The following PCDHA3 variants were observed in gnomAD, a reference collection of about 807,000 sequenced individuals.
PCDHA3 encodes the protein protocadherin alpha-3.
Under a neutral mutation model 62.2 loss-of-function variants are expected in PCDHA3, and 41 were observed. That is an observed-to-expected ratio of 0.66 (90% CI 0.51 to 0.86). The LOEUF (loss-of-function observed/expected upper bound fraction) is 0.86, where lower values mean the gene tolerates loss of function less well. Among genes scored for constraint, PCDHA3 ranks in the 40% least tolerant of loss-of-function variants. The pLI is 0.00. For missense variants in PCDHA3, 1,304 were observed against 1,241.2 expected (o/e 1.05, Z -0.76); for synonymous variants, 640 against 555.4 (o/e 1.15, Z -2.14).
chr5:140,928,276 GC>G, intron 1 of PCDHA3: 1 of 1,614,172 alleles, frequency 6.2e-7, no homozygotes. Flanking sequence ...TGGCCCTGGG[GC>G]CTCTCTAGGC....
intron 1 of PCDHA3, among the ~76,000 whole-genome samples, chr5:140,914,575 A>G (rs2076765762): frequency 2.0e-5 from 3 of 152,018 alleles, no homozygotes; most frequent in African/African-American, 7.2e-5. Context: ...TTTACATTCA[A>G]TAATTTCATT....
rs1554169498 is a variant in PCDHA3 at position 140,877,227 on chromosome 5, G to A, written c.2394+73636G>A. On this transcript the variant is annotated intron_variant, in intron 1 of 3. Transcript: ENST00000522353. ...TTAGCGAGTTGGTACCGCGGTCGGT[G>A]GGTGCGGGCCACGTGGTGGCGAAAG... The A allele has an allele frequency of 1.9e-6, 3 of 1,613,738 alleles. No homozygotes were observed. The South Asian group carries it at 3.3e-5, about 18-fold the overall frequency.
At chr5:140,985,818 C>T (rs1377098916) in intron 3 of PCDHA3, among the ~76,000 whole-genome samples, 1 of 142,038 alleles carries the variant, frequency 7.0e-6, no homozygotes, top group Non-Finnish European at 1.5e-5. Flanking sequence ...CAGCTCACAA[C>T]AAGCTCTGCC....
chr5:140,861,534 A>G lies in PCDHA3; in HGVS notation c.2394+57943A>G, dbSNP rs1004709017. ...GCTGTGTGGGAGGATCTCGGAGTGCAGCATCCACCTGGAAGTGATCGTGGA... is the reference window on the plus strand; with the variant it reads ...GCTGTGTGGGAGGATCTCGGAGTGCGGCATCCACCTGGAAGTGATCGTGGA... On this transcript the variant is annotated intron_variant, in intron 1 of 3. Coordinates refer to ENST00000522353, the MANE Select transcript of PCDHA3 (RefSeq NM_018906.3). The G allele has an allele frequency of 4.9e-5, 22 of 448,754 alleles. No individual in the cohort carries two copies. The Middle Eastern group carries it at 3.2e-3, about 66-fold the overall frequency. The allele number at this position is 448,754 out of a possible 1,614,324, so 27.8% of individuals were successfully genotyped here.
intron 1 of PCDHA3, among the ~76,000 whole-genome samples, chr5:140,959,240 G>A (rs1554223957): frequency 1.3e-5 from 2 of 152,074 alleles, no homozygotes; most frequent in African/African-American, 4.8e-5. Flanking sequence ...ATCTGGGCAT[G>A]ATAGTGCATG....
At chr5:140,843,557 G>C (rs1778973583) in intron 1 of PCDHA3, 1 of 1,595,984 alleles carries the variant, frequency 6.3e-7, no homozygotes. Flanking sequence ...CAGTGCGGTG[G>C]GGAGCTGGTC....
intron 1 of PCDHA3, chr5:140,884,108 G>A (rs782424793): frequency 3.1e-6 from 5 of 1,613,286 alleles, no homozygotes; most frequent in Admixed American, 3.3e-5. Context: ...ATTGCAGCTG[G>A]CGGCGGTCGG....
intron 1 of PCDHA3, chr5:140,966,970 G>A (rs1554228990): frequency 6.2e-7 from 1 of 1,602,870 alleles, no homozygotes; most frequent in Admixed American, 1.7e-5. Flanking sequence ...TGGGGCTTGA[G>A]CTGCGGCGCT....
chr5:140,820,235 G>A (rs1285807368), intron 1 of PCDHA3, among the ~76,000 whole-genome samples: 1 of 151,950 alleles, frequency 6.6e-6, no homozygotes, highest in East Asian at 1.9e-4. Flanking sequence ...TGATAATAGA[G>A]ATAGTAAAAA....
chr5:141,010,312 G>C lies in PCDHA3; in HGVS notation c.*375G>C. On this transcript the variant is annotated 3_prime_UTR_variant, in exon 4 of 4. Transcript: ENST00000522353. ...TGCAGGGCAGGCTGAAAAGTTTTGA[G>C]ATTGAGCAGCTTGGGAGTTTGTGGC... is the stretch of plus-strand genomic sequence containing the variant. 1 of 1,547,400 alleles carries C rather than the reference G, an allele frequency of 6.5e-7. No individual in the cohort carries two copies. The highest frequency in any genetic ancestry group is 8.7e-7 in the Non-Finnish European group (1 of 1,145,752).
intron 1 of PCDHA3, among the ~76,000 whole-genome samples, chr5:140,914,693 G>C (rs1554196535): frequency 7.9e-5 from 12 of 151,662 alleles, no homozygotes; most frequent in Non-Finnish European, 1.8e-4. Flanking sequence ...TTCTCTGGTG[G>C]TATGATTTAA....
chr5:140,884,549 G>A (rs782470468), intron 1 of PCDHA3: 3 of 1,614,016 alleles, frequency 1.9e-6, no homozygotes, highest in African/African-American at 1.3e-5. Context: ...GGTGTGCTCT[G>A]GGGAGGGCCC....
intron 1 of PCDHA3, among the ~76,000 whole-genome samples, chr5:140,925,792 T>C (rs918762181): frequency 6.6e-6 from 1 of 152,170 alleles, no homozygotes. Flanking sequence ...AGTATCTCAG[T>C]ACTTTCCCCT....
chr5:140,802,901 T>A lies in PCDHA3; in HGVS notation c.1704T>A (p.Pro568=). The change falls in exon 1 of 4, where the codon CCT becomes CCA. Residue 568 remains proline, a synonymous_variant. Transcript: ENST00000522353. ...ACAACGCGCCGGCACTGCTGATGCC[T>A]CGGGTGGGTGGCATCGGTGGCGCAG... The part of the protein sequence containing the change: ...ENDNAPALLM[P]RVGGIGGAVS... 1.2e-6 allele frequency: 2 copies of A among 1,613,748 alleles called. No homozygotes were observed. Among genetic ancestry groups the A allele is most frequent in the Non-Finnish European group, 1.7e-6 (2 of 1,179,890 alleles).
chr5:140,962,008 C>T (rs1363169601), intron 1 of PCDHA3, among the ~76,000 whole-genome samples: 5 of 152,088 alleles, frequency 3.3e-5, no homozygotes, highest in South Asian at 2.1e-4. Context: ...CTCAGCTTCC[C>T]GAGTAGCTGG....
At chr5:140,864,164 C>T (rs80100422) in intron 1 of PCDHA3, 19,126 of 151,926 alleles carry the variant, frequency 0.13, 1,273 homozygotes, top group Middle Eastern at 0.19. Context: ...TAAATCTTAC[C>T]GGAAGGATCA....
intron 1 of PCDHA3, among the ~76,000 whole-genome samples, chr5:140,930,742 A>G (rs2087064675): frequency 6.6e-6 from 1 of 152,216 alleles, no homozygotes; most frequent in Non-Finnish European, 1.5e-5. Context: ...AATAAAATAA[A>G]TTTACATATG....
rs542875982 is a variant in PCDHA3 at position 140,939,696 on chromosome 5, T to C, written c.2395-39253T>C. On this transcript the variant is annotated intron_variant, in intron 1 of 3. Coordinates refer to ENST00000522353, the MANE Select transcript of PCDHA3 (RefSeq NM_018906.3). Reference sequence around the variant, plus strand: ...TATGTATGTGTGTGTTGCTGGACATTATCATTTGTGAGATACATTTATATT... The same window carrying C: ...TATGTATGTGTGTGTTGCTGGACATCATCATTTGTGAGATACATTTATATT... Among the ~76,000 whole-genome samples the C allele has an allele frequency of 1.6e-4, 24 of 152,340 alleles. No homozygotes were observed. The East Asian group carries it at 2.7e-3, about 17-fold the overall frequency.
intron 1 of PCDHA3, among the ~76,000 whole-genome samples, chr5:140,978,737 G>A (rs2096820627): frequency 6.6e-6 from 1 of 152,180 alleles, no homozygotes; most frequent in Admixed American, 6.5e-5. Context: ...GGTCTTCCAG[G>A]GTATCTAATC....
Sources: gnomAD v4.1 joint callset for allele counts (sites outside exome capture counted in the v4.1 genomes callset) on GRCh38, gnomAD v4.1.1 for gene constraint, MANE v1.5 for transcripts, NCBI Gene and HGNC (gene_info 2026-07-23, HGNC 2026-07-21) for gene names.